Variants in ERLIN2 observed in about 807,000 individuals in gnomAD.
ERLIN2 encodes ER lipid raft associated 2, also known as erlin-2.
Under a neutral mutation model 41.5 loss-of-function variants are expected in ERLIN2, and 22 were observed. The ratio of observed to expected loss-of-function variants is 0.53; its 90% confidence interval spans 0.38 to 0.76. The LOEUF is 0.76. Ranked by LOEUF, ERLIN2 falls within the 30% of genes least tolerant of loss-of-function variation. The pLI is 0.00. For synonymous variants in ERLIN2, 149 were observed against 150.9 expected (o/e 0.99, Z 0.09); for missense variants, 247 against 414.3 (o/e 0.60, Z 3.51).
rs917580078 is a variant in ERLIN2 at position 37,736,702 on chromosome 8, G to A, written c.-16+24G>A. On this transcript the variant is annotated intron_variant, in intron 1 of 11. Transcript: ENST00000519638. Reference sequence around the variant, plus strand: ...TGGTACGCGGCCCCCGCCCCTTCGTGCGCGCGCTGGGCCTAGCTGCCGCTC... The same window carrying A: ...TGGTACGCGGCCCCCGCCCCTTCGTACGCGCGCTGGGCCTAGCTGCCGCTC... The A allele has an allele frequency of 7.5e-5, 74 of 985,528 alleles. No individual in the cohort carries two copies. The African/African-American group carries it at 1.1e-3, about 15-fold the overall frequency. 61.0% of individuals were successfully genotyped at this position (985,528 alleles called of 1,614,324 possible).
In ERLIN2 at chr8:37,740,375, C is replaced by T. The variant is rs1802807805; in HGVS notation, c.118C>T (p.Leu40=). ...HIGVYYRGGA[L]LTSTSGPGFH... ...CCCCCTCCTCTGCAGAGGCGGTGCC[C>T]TGCTGACTTCGACCAGCGGCCCTGG... Residue 40 remains leucine, a synonymous_variant, in exon 3 of 12, where the codon CTG becomes TTG. Transcript: ENST00000519638. 4 of 1,612,258 alleles carry T rather than the reference C, an allele frequency of 2.5e-6. No homozygotes were observed. Among genetic ancestry groups the T allele is most frequent in the Non-Finnish European group, 2.5e-6 (3 of 1,178,890 alleles).
chr8:37,747,762 T>TTGAA (rs1803103327), intron 6 of ERLIN2: 2 of 1,608,250 alleles, frequency 1.2e-6, no homozygotes, highest in Non-Finnish European at 1.7e-6. Flanking sequence ...TGCCTTCAGG[T>TTGAA]CTCCGCAGAT....
At chr8:37,751,941 G>T (rs914026439) in intron 10 of ERLIN2, among the ~76,000 whole-genome samples, 6 of 152,210 alleles carry the variant, frequency 3.9e-5, no homozygotes, top group Non-Finnish European at 8.8e-5. Flanking sequence ...AAATGTGGCT[G>T]GAGTGCCAGT....
chr8:37,749,913 A>T, intron 8 of ERLIN2, 61 bp downstream of exon 8: 1 of 1,426,482 alleles, frequency 7.0e-7, no homozygotes, highest in Non-Finnish European at 9.9e-7. Flanking sequence ...ACCTCGTCCC[A>T]TCCCAGAGGT....
intron 6 of ERLIN2, chr8:37,746,264 T>C (rs1379270261): frequency 1.0e-6 from 1 of 985,416 alleles, no homozygotes; most frequent in Non-Finnish European, 1.2e-6. Flanking sequence ...ACTTTAAACA[T>C]GAAGCTGCAT....
At chr8:37,749,961 G>A in intron 8 of ERLIN2, 109 bp downstream of exon 8, 1 of 1,008,700 alleles carries the variant, frequency 9.9e-7, no homozygotes, top group Non-Finnish European at 1.6e-6. Context: ...TCCCCTTGCT[G>A]GAGGATTTGC....
chr8:37,736,836 T>C (rs1802660172), intron 1 of ERLIN2, 158 bp downstream of exon 1: 1 of 985,688 alleles, frequency 1.0e-6, no homozygotes, highest in Admixed American at 6.2e-5. Flanking sequence ...TCGCGTCCTC[T>C]CCTTGCGAGC....
intron 6 of ERLIN2, chr8:37,748,073 C>A: frequency 7.9e-7 from 1 of 1,263,846 alleles, no homozygotes; most frequent in Non-Finnish European, 1.2e-6. Flanking sequence ...GTCACGAGCG[C>A]GCCTTGCGCC....
intron 6 of ERLIN2, chr8:37,747,963 A>C (rs1362700174): frequency 6.2e-7 from 1 of 1,614,202 alleles, no homozygotes; most frequent in South Asian, 1.1e-5. Context: ...CCCGGTCCCG[A>C]GTGTCAGAGC....
At chr8:37,748,034 C>T (rs768502798) in intron 6 of ERLIN2, 24 of 1,588,686 alleles carry the variant, frequency 1.5e-5, no homozygotes, top group Admixed American at 1.0e-4. Flanking sequence ...AAAAACTCTA[C>T]GCAAAGAAGA....
At chr8:37,751,770 A>T in intron 10 of ERLIN2, 55 bp downstream of exon 10, 2 of 1,393,914 alleles carry the variant, frequency 1.4e-6, no homozygotes, top group East Asian at 2.3e-5. Context: ...CCCTGTGGCC[A>T]GTGGGTTGGG....
At chr8:37,747,491 T>G in intron 6 of ERLIN2, 1 of 1,612,310 alleles carries the variant, frequency 6.2e-7, no homozygotes. Context: ...GCAACTTCCC[T>G]AGCCTCAATC....
Position 37,751,662 on chromosome 8 carries a change from A to T in ERLIN2, c.686A>T (p.Tyr229Phe), listed in dbSNP as rs369901562. 1.2e-6 allele frequency: 2 copies of T among 1,613,966 alleles called. No individual in the cohort carries two copies. Among genetic ancestry groups the T allele is most frequent in the Non-Finnish European group, 1.7e-6 (2 of 1,179,802 alleles). The part of the protein sequence containing the change: ...EKVAQVAEIT[Y>F]GQKVMEKETE... ...GTGGCCCAGGTGGCTGAGATCACCTACGGGCAGAAGGTGATGGAGAAGGAG... is the reference window on the plus strand; with the variant it reads ...GTGGCCCAGGTGGCTGAGATCACCTTCGGGCAGAAGGTGATGGAGAAGGAG... Residue 229 changes from tyrosine (Y) to phenylalanine (F), a missense_variant, in exon 10 of 12, where the codon TAC (tyrosine) becomes TTC (phenylalanine). Physicochemically the swap from Tyr to Phe is conservative, Grantham distance 22. Transcript: ENST00000519638.
intron 11 of ERLIN2, 109 bp downstream of exon 11, chr8:37,753,638 A>G: frequency 1.0e-6 from 1 of 972,064 alleles, no homozygotes; most frequent in South Asian, 1.3e-5. Context: ...CTTCATGGGC[A>G]GAACTGAGGA....
At chr8:37,749,111 G>T (rs1160402967) in intron 6 of ERLIN2, among the ~76,000 whole-genome samples, 4 of 152,148 alleles carry the variant, frequency 2.6e-5, no homozygotes, top group African/African-American at 9.7e-5. Flanking sequence ...TAGATTTAAT[G>T]TGCTCAGCTC....
Position 37,750,032 on chromosome 8 carries a change from C to A in ERLIN2, c.557+180C>A, listed in dbSNP as rs1039212624. ...TCAGGGCCACCACTGGGGCTCCCTA[C>A]CTGTGATTGAGAACCCCAGGATAAT... On this transcript the variant is annotated intron_variant, in intron 8 of 11. Coordinates refer to ENST00000519638, the MANE Select transcript of ERLIN2 (RefSeq NM_007175.8). 3.0e-5 allele frequency: 21 copies of A among 694,432 alleles called. No individual in the cohort carries two copies. In the African/African-American group the frequency reaches 3.3e-4, roughly 11 times the overall value. The allele number at this position is 694,432 out of a possible 1,614,324, so 43.0% of individuals were successfully genotyped here.
At chr8:37,745,471 C>A in intron 6 of ERLIN2, 1 of 1,175,238 alleles carries the variant, frequency 8.5e-7, no homozygotes, top group South Asian at 1.3e-5. Context: ...TGTTTGCAGT[C>A]AAGTATTCTG....
chr8:37,746,842 A>G (rs1803068645), intron 6 of ERLIN2, among the ~76,000 whole-genome samples: 1 of 152,236 alleles, frequency 6.6e-6, no homozygotes, highest in Non-Finnish European at 1.5e-5. Context: ...CAGTAGAAAG[A>G]TTCAAACCAC....
At chr8:37,748,084 T>A in intron 6 of ERLIN2, 2 of 1,105,914 alleles carry the variant, frequency 1.8e-6, no homozygotes, top group Admixed American at 1.8e-5. Flanking sequence ...GCCTTGCGCC[T>A]TTTCCCTGCG....
Sources: gnomAD v4.1 joint callset for allele counts (sites outside exome capture counted in the v4.1 genomes callset) on GRCh38, gnomAD v4.1.1 for gene constraint, MANE v1.5 for transcripts, NCBI Gene and HGNC (gene_info 2026-07-23, HGNC 2026-07-21) for gene names.